ZNF438: variants seen among roughly 807,000 people sequenced by gnomAD.
ZNF438 encodes the protein zinc finger protein 438.
A neutral mutation model predicts 38.0 loss-of-function variants in ZNF438; 25 were observed. The ratio of observed to expected loss-of-function variants is 0.66; its 90% CI spans 0.48 to 0.92. The LOEUF (loss-of-function observed/expected upper bound fraction) is 0.92. Ranked by LOEUF, ZNF438 falls within the 40% of genes least tolerant of loss-of-function variation. The pLI is 0.00. For missense variants in ZNF438, 1,007 were observed against 999.6 expected (o/e 1.01, Z -0.10); for synonymous variants, 372 against 364.1 (o/e 1.02, Z -0.25).
chr10:30,936,683 G>A (rs1191361788), intron 2 of ZNF438, among the ~76,000 whole-genome samples: 1 of 151,674 alleles, frequency 6.6e-6, no homozygotes. Flanking sequence ...AAAAAAAAAT[G>A]TAATTCATAG....
chr10:30,903,975 T>C (rs1212694678), intron 3 of ZNF438, among the ~76,000 whole-genome samples: 1 of 149,242 alleles, frequency 6.7e-6, no homozygotes, highest in Non-Finnish European at 1.5e-5. Flanking sequence ...CTCAGAACTT[T>C]AGTAACAGCA....
intron 5 of ZNF438, among the ~76,000 whole-genome samples, chr10:30,848,045 T>C (rs902543885): frequency 5.3e-5 from 8 of 152,146 alleles, no homozygotes; most frequent in Non-Finnish European, 7.3e-5. Context: ...AAGGATCCCA[T>C]AGCAATAATA....
chr10:31,031,889 G>A (rs981061183), exon 1 of ZNF438: 1 of 152,404 alleles, frequency 6.6e-6, no homozygotes, highest in Non-Finnish European at 1.5e-5. Flanking sequence ...CAGCAGTCGG[G>A]GAGGTCAAGC....
At chr10:30,959,570 C>G (rs11008316) in intron 1 of ZNF438, among the ~76,000 whole-genome samples, 2 of 116,130 alleles carry the variant, frequency 1.7e-5, no homozygotes, top group Non-Finnish European at 3.9e-5. Context: ...AACCCCGTCT[C>G]TACTAAAAAT....
At chr10:30,969,421 ATTTCT>A (rs1234156479) in intron 1 of ZNF438, among the ~76,000 whole-genome samples, 232 of 152,312 alleles carry the variant, frequency 1.5e-3, no homozygotes, top group African/African-American at 4.9e-3. Flanking sequence ...CTGATGGTTA[ATTTCT>A]TGAACACTGA....
rs1445067466 is a variant in ZNF438 at position 30,950,036 on chromosome 10, A to G, written c.-191-8385T>C. Among the ~76,000 whole-genome samples, 4 of 152,118 alleles carry G rather than the reference A, an allele frequency of 2.6e-5. No homozygotes were observed. The South Asian group carries it at 6.2e-4, about 24-fold the overall frequency. ...CAACAAATGTAAAAGAACAGAAATTATAACAAACTATCTCTCAGACCACAG... is the reference window on the plus strand; with the variant it reads ...CAACAAATGTAAAAGAACAGAAATTGTAACAAACTATCTCTCAGACCACAG... On this transcript the variant is annotated intron_variant, in intron 1 of 5. Transcript: ENST00000413025.
At chr10:31,026,896 G>A (rs2056980408) in intron 1 of ZNF438, among the ~76,000 whole-genome samples, 1 of 152,170 alleles carries the variant, frequency 6.6e-6, no homozygotes, top group Admixed American at 6.5e-5. Flanking sequence ...ATACACCATG[G>A]AATACTATGC....
chr10:30,880,430 T>TAAA (rs60365494), intron 3 of ZNF438, among the ~76,000 whole-genome samples: 1 of 111,912 alleles, frequency 8.9e-6, no homozygotes, highest in African/African-American at 3.5e-5. Flanking sequence ...AAATTCTATC[T>TAAA]AAAAAAAAAA....
chr10:30,988,775 T>C (rs1478322308), intron 1 of ZNF438, among the ~76,000 whole-genome samples: 1 of 152,130 alleles, frequency 6.6e-6, no homozygotes, highest in Admixed American at 6.5e-5. Flanking sequence ...ATTATATAAG[T>C]TTACAGTTTT....
At chr10:31,027,496 C>T (rs1331927271) in intron 1 of ZNF438, among the ~76,000 whole-genome samples, 2 of 152,094 alleles carry the variant, frequency 1.3e-5, no homozygotes, top group Non-Finnish European at 2.9e-5. Flanking sequence ...CTTACCATCA[C>T]TCCCCCTCTG....
At chr10:30,951,265 ATCTAT>A in intron 1 of ZNF438, among the ~76,000 whole-genome samples, 2 of 151,016 alleles carry the variant, frequency 1.3e-5, no homozygotes, top group Admixed American at 1.3e-4. Context: ...AATAAGAGCT[ATCTAT>A]GACAAACCCA....
chr10:30,845,724 C>T (rs1588703010), intron 5 of ZNF438, 151 bp from the exon 7 acceptor site: 3 of 863,256 alleles, frequency 3.5e-6, no homozygotes, highest in Non-Finnish European at 5.2e-6. Flanking sequence ...GGAAGACCTT[C>T]TGCAAGGACC....
chr10:30,890,289 A>T (rs1366668454), intron 3 of ZNF438, among the ~76,000 whole-genome samples: 2 of 152,230 alleles, frequency 1.3e-5, no homozygotes, highest in African/African-American at 2.4e-5. Flanking sequence ...TTTCTGCCTC[A>T]ATAAAAATCT....
chr10:30,876,753 G>C (rs945096347), intron 4 of ZNF438, among the ~76,000 whole-genome samples: 2 of 152,082 alleles, frequency 1.3e-5, no homozygotes, highest in Non-Finnish European at 2.9e-5. Flanking sequence ...TGTGAGTTTT[G>C]GGTGGAATGA....
chr10:30,968,684 C>T (rs947834902), intron 1 of ZNF438, among the ~76,000 whole-genome samples: 2 of 151,956 alleles, frequency 1.3e-5, no homozygotes, highest in African/African-American at 2.4e-5. Context: ...TCAGGTTATC[C>T]GCCCACCTAG....
At chr10:31,007,274 G>GTGTT (rs1158016505) in intron 1 of ZNF438, among the ~76,000 whole-genome samples, 3 of 139,954 alleles carry the variant, frequency 2.1e-5, no homozygotes, top group South Asian at 2.2e-4. Context: ...GGTTTTTTTG[G>GTGTT]TGTTTTTTTT....
chr10:30,868,813 T>G (rs1015811428), intron 4 of ZNF438, among the ~76,000 whole-genome samples: 3 of 152,244 alleles, frequency 2.0e-5, no homozygotes, highest in Non-Finnish European at 4.4e-5. Flanking sequence ...TTTGAACAGA[T>G]GTACACAATC....
chr10:30,892,444 C>G (rs2040813919), intron 3 of ZNF438, among the ~76,000 whole-genome samples: 2 of 152,068 alleles, frequency 1.3e-5, no homozygotes. Context: ...TCTCAGGTAA[C>G]TGAAATGAGA....
chr10:30,888,853 G>A (rs2040306646), intron 3 of ZNF438, among the ~76,000 whole-genome samples: 1 of 152,278 alleles, frequency 6.6e-6, no homozygotes, highest in Non-Finnish European at 1.5e-5. Flanking sequence ...ATATGTCTTT[G>A]CAGTAAAATT....
Sources: gnomAD v4.1 joint callset for allele counts (sites outside exome capture counted in the v4.1 genomes callset) on GRCh38, gnomAD v4.1.1 for gene constraint, MANE v1.5 for transcripts, NCBI Gene and HGNC (gene_info 2026-07-23, HGNC 2026-07-21) for gene names.